Variants in TMEM165 observed in about 807,000 individuals in gnomAD.
TMEM165 encodes the protein putative divalent cation/proton antiporter TMEM165.
Under a neutral mutation model 30.0 loss-of-function variants are expected in TMEM165, and 19 were observed. That is an observed-to-expected ratio of 0.63 (90% CI 0.44 to 0.93). The LOEUF (loss-of-function observed/expected upper bound fraction) is 0.93. Ranked by LOEUF, TMEM165 falls within the 40% of genes least tolerant of loss-of-function variation. TMEM165 has a pLI of 0.00. For synonymous variants in TMEM165, 168 were observed against 162.9 expected (o/e 1.03, Z -0.24); for missense variants, 340 against 417.0 (o/e 0.82, Z 1.61).
At chr4:55,421,505 A>C (rs1164523003) in intron 4 of TMEM165, among the ~76,000 whole-genome samples, 1 of 151,872 alleles carries the variant, frequency 6.6e-6, no homozygotes, top group Non-Finnish European at 1.5e-5. Flanking sequence ...GCCATGTTGC[A>C]GAGGCTGGTC....
rs144280490 is a variant in TMEM165 at position 55,440,327 on chromosome 4, C to T, written c.409-11912C>T. ...AATTCATTAATTTTTCCCTCTTTCC[C>T]TGCTTCCTTTTGCTTTTTGAAATGA... On this transcript the variant is annotated intron_variant, in intron 3 of 3. Coordinates refer to the TMEM165 transcript ENST00000608091. Among the ~76,000 whole-genome samples, 942 of 152,260 alleles carry T rather than the reference C, an allele frequency of 6.2e-3. 17 individuals are homozygous for T. Among genetic ancestry groups the T allele is most frequent in the African/African-American group, 0.021 (874 of 41,554 alleles).
intron 3 of TMEM165, chr4:55,432,551 T>G (rs1288825386): frequency 7.2e-6 from 1 of 139,112 alleles, no homozygotes; most frequent in Admixed American, 7.9e-5. Flanking sequence ...GGATTTTAAC[T>G]AACAGCTTTG....
chr4:55,442,503 A>C (rs776547348), intron 3 of TMEM165: 11 of 1,607,622 alleles, frequency 6.8e-6, no homozygotes, highest in Non-Finnish European at 8.5e-6. Flanking sequence ...TACTAGATGG[A>C]ATCTGGACCA....
intron 2 of TMEM165, 53 bp from the exon 3 acceptor site, chr4:55,417,019 C>T: frequency 4.2e-6 from 6 of 1,441,122 alleles, no homozygotes; most frequent in Non-Finnish European, 3.7e-6. Flanking sequence ...TTAACTGTTC[C>T]CTTGGTCGTG....
intron 3 of TMEM165, chr4:55,433,771 A>G (rs997410789): frequency 1.3e-5 from 2 of 152,182 alleles, no homozygotes; most frequent in Non-Finnish European, 2.9e-5. Context: ...ATTGGAATTT[A>G]TTACTTTTAG....
At chr4:55,453,111 A>G (rs778651737) in exon 4 of TMEM165, 2 of 1,613,030 alleles carry the variant, frequency 1.2e-6, no homozygotes, top group Non-Finnish European at 1.7e-6. Context: ...GTCGTCTTTC[A>G]GCCCTAACTT....
chr4:55,420,959 A>G (rs534620810), intron 4 of TMEM165, among the ~76,000 whole-genome samples: 138 of 151,584 alleles, frequency 9.1e-4, no homozygotes, highest in African/African-American at 3.2e-3. Flanking sequence ...GCACTTTGGG[A>G]GGCTGAGGCA....
downstream of TMEM165, among the ~76,000 whole-genome samples, chr4:55,427,634 C>T (rs1358039869): frequency 2.0e-5 from 3 of 152,262 alleles, no homozygotes; most frequent in Middle Eastern, 3.4e-3. Flanking sequence ...CGTGAGCCAC[C>T]GCACCCAACC....
At chr4:55,403,386 C>G (rs963475165) in intron 1 of TMEM165, 23 of 930,406 alleles carry the variant, frequency 2.5e-5, no homozygotes, top group Non-Finnish European at 3.0e-5. Context: ...TATTTGAACT[C>G]TAGAACTAGA....
downstream of TMEM165, chr4:55,428,024 CAT>C (rs1271215422): frequency 6.6e-6 from 1 of 152,132 alleles, no homozygotes; most frequent in Non-Finnish European, 1.5e-5. Context: ...AACTGAAAAA[CAT>C]AGCACTGAGG....
intron 1 of TMEM165, among the ~76,000 whole-genome samples, chr4:55,405,824 A>C (rs914303413): frequency 1.3e-5 from 2 of 152,190 alleles, no homozygotes; most frequent in Admixed American, 1.3e-4. Flanking sequence ...TGTTACACAA[A>C]AATATGTAAT....
intron 3 of TMEM165, among the ~76,000 whole-genome samples, chr4:55,436,394 G>A (rs901052660): frequency 1.3e-5 from 2 of 152,154 alleles, no homozygotes; most frequent in Non-Finnish European, 2.9e-5. Context: ...TCAAATAGAT[G>A]AGCCTCTGTT....
At chr4:55,434,962 T>G in intron 3 of TMEM165, 2 of 175,870 alleles carry the variant, frequency 1.1e-5, no homozygotes, top group Non-Finnish European at 2.5e-5. Flanking sequence ...GGGGAGGGGG[T>G]CGCTACCAAG....
intron 3 of TMEM165, among the ~76,000 whole-genome samples, chr4:55,437,899 A>G (rs527384994): frequency 5.9e-5 from 9 of 152,244 alleles, no homozygotes; most frequent in Admixed American, 2.6e-4. Context: ...GGTAACACCT[A>G]TACTAGTAAA....
chr4:55,440,118 G>A (rs1723238872), intron 3 of TMEM165, among the ~76,000 whole-genome samples: 1 of 151,968 alleles, frequency 6.6e-6, no homozygotes, highest in Non-Finnish European at 1.5e-5. Context: ...TGCTACACTG[G>A]CACACAGTTC....
At chr4:55,401,123 A>T (rs780396513) in intron 1 of TMEM165, among the ~76,000 whole-genome samples, 1 of 150,622 alleles carries the variant, frequency 6.6e-6, no homozygotes, top group Admixed American at 6.6e-5. Flanking sequence ...ATAAAAACCT[A>T]GTTGTATCTT....
intron 1 of TMEM165, among the ~76,000 whole-genome samples, chr4:55,410,518 C>T (rs1260883483): frequency 1.3e-5 from 2 of 152,172 alleles, no homozygotes; most frequent in Middle Eastern, 3.2e-3. Context: ...AAGCAATTCT[C>T]CCGTCTCAGC....
intron 3 of TMEM165, chr4:55,448,729 A>T (rs762779880): frequency 1.4e-6 from 2 of 1,478,826 alleles, no homozygotes; most frequent in South Asian, 1.1e-5. Flanking sequence ...TTAGCTTAAA[A>T]GCAATTTATC....
intron 3 of TMEM165, chr4:55,435,717 C>G: frequency 1.1e-6 from 1 of 950,310 alleles, no homozygotes; most frequent in South Asian, 1.4e-5. Flanking sequence ...ATGCATATCA[C>G]TTTCACTCTC....
Sources: allele counts gnomAD v4.1 joint callset (sites outside exome capture counted in the v4.1 genomes callset), GRCh38; gene constraint gnomAD v4.1.1; transcripts MANE v1.5; gene names NCBI Gene and HGNC (gene_info 2026-07-23, HGNC 2026-07-21).